Variants in FHL1 observed in about 807,000 individuals in gnomAD.
The protein encoded by FHL1 is four and a half LIM domains 1.
In FHL1, 1 loss-of-function variant was observed where a neutral mutation model predicts 20.3. That is an observed-to-expected ratio of 0.05 (90% CI 0.02 to 0.23). FHL1 has a LOEUF of 0.23. FHL1 is among the 10% of genes least tolerant of loss of function. The probability of loss-of-function intolerance (pLI) is 1.00; values close to 1 mark genes in which losing one functional copy is unlikely to be tolerated. For synonymous variants in FHL1, 82 were observed against 88.9 expected, an observed-to-expected ratio of 0.92 and a Z score of 0.44; for missense variants, 177 against 234.0, an observed-to-expected ratio of 0.76 and a Z score of 1.59.
upstream of FHL1, among the ~76,000 whole-genome samples, chrX:136,196,251 G>A: frequency 8.9e-6 from 1 of 111,990 alleles, no homozygotes. Context: ...AGGTCCTGGA[G>A]GGACTTGGGG....
chrX:136,190,249 C>T (rs2058688668), intron 2 of FHL1, among the ~76,000 whole-genome samples: 1 of 111,449 alleles, frequency 9.0e-6, no homozygotes, highest in Non-Finnish European at 1.9e-5. Flanking sequence ...TCCTGTCATT[C>T]TGTTTCATGT....
rs190333934 is a variant in FHL1 at position 136,210,759 on chromosome X, G to A, written c.*734G>A. 483 of 386,490 alleles carry A rather than the reference G, an allele frequency of 1.2e-3. 8 individuals carry two copies. The East Asian group carries it at 0.018, about 14-fold the overall frequency. 31.9% of individuals were successfully genotyped at this position (386,490 alleles called of 1,213,427 possible). ...TGTTTCAGAGGAACATCGTCACAAC[G>A]AATACTTCTGGAAGCTTAACAAAAC... On this transcript the variant is annotated 3_prime_UTR_variant, in exon 6 of 6. Coordinates refer to ENST00000370683, the MANE Select transcript of FHL1 (RefSeq NM_001159699.2).
At chrX:136,191,854 G>A (rs2073437339) in intron 2 of FHL1, among the ~76,000 whole-genome samples, 1 of 111,440 alleles carries the variant, frequency 9.0e-6, no homozygotes, top group African/African-American at 3.3e-5. Context: ...TATAGAATAG[G>A]GTCATGGAAT....
chrX:136,156,839 C>T (rs1449833539), intron 1 of FHL1, among the ~76,000 whole-genome samples: 6 of 111,359 alleles, frequency 5.4e-5, no homozygotes, highest in Non-Finnish European at 1.1e-4. Flanking sequence ...TTTCAGTGCA[C>T]TCTGCCAGGT....
upstream of FHL1, among the ~76,000 whole-genome samples, chrX:136,193,156 C>T (rs1365333899): frequency 1.8e-5 from 2 of 110,760 alleles, no homozygotes; most frequent in East Asian, 5.6e-4. Flanking sequence ...TTGTTATCAG[C>T]CTCTTGCCCC....
chrX:136,161,427 C>T (rs780221897), intron 1 of FHL1, among the ~76,000 whole-genome samples: 1 of 112,243 alleles, frequency 8.9e-6, no homozygotes, highest in East Asian at 2.8e-4. Flanking sequence ...GTTACTGCTG[C>T]AGTGGTTTGT....
chrX:136,159,880 T>C (rs2072519891), intron 1 of FHL1, among the ~76,000 whole-genome samples: 1 of 111,706 alleles, frequency 9.0e-6, no homozygotes, highest in Admixed American at 9.5e-5. Context: ...TTAGCAACAG[T>C]GACAGTTGGT....
chrX:136,208,785 C>A, intron 5 of FHL1, 144 bp downstream of exon 5: 1 of 607,436 alleles, frequency 1.6e-6, no homozygotes, highest in Non-Finnish European at 2.7e-6. Flanking sequence ...AAAGGCCCCC[C>A]AAGAGTTTGG....
chrX:136,196,659 G>T, upstream of FHL1: 1 of 454,287 alleles, frequency 2.2e-6, no homozygotes. Flanking sequence ...CTATCTCTTA[G>T]AGTTACTTTT....
intron 2 of FHL1, among the ~76,000 whole-genome samples, chrX:136,191,164 A>G (rs773382837): frequency 1.8e-5 from 2 of 111,846 alleles, no homozygotes; most frequent in Non-Finnish European, 3.8e-5. Context: ...GTCCTGGCAC[A>G]ACAGAAGAGC....
intron 1 of FHL1, among the ~76,000 whole-genome samples, chrX:136,158,407 T>C (rs2148275014): frequency 1.8e-5 from 2 of 112,054 alleles, no homozygotes; most frequent in South Asian, 7.4e-4. Context: ...TCTGTTGCTA[T>C]TACTTCGGCA....
chrX:136,167,891 T>G (rs937094436), upstream of FHL1: 2 of 112,154 alleles, frequency 1.8e-5, no homozygotes, highest in Admixed American at 1.9e-4. Context: ...ATGATAAGAC[T>G]AGTGTGTGAC....
chrX:136,192,709 G>A (rs778154504), upstream of FHL1, among the ~76,000 whole-genome samples: 1 of 111,615 alleles, frequency 9.0e-6, no homozygotes, highest in Non-Finnish European at 1.9e-5. Context: ...GGGGTTCCAG[G>A]GGTGCTCCTT....
chrX:136,167,963 G>A (rs1454678007), upstream of FHL1: 1 of 112,311 alleles, frequency 8.9e-6, no homozygotes, highest in Non-Finnish European at 1.9e-5. Context: ...GGTATCAGGC[G>A]TTTGTGGTGG....
At chrX:136,147,329 C>T (rs1421137398), upstream of FHL1, 3 of 7,931 alleles carry the variant, frequency 3.8e-4, no homozygotes, top group African/African-American at 1.4e-3. Flanking sequence ...CCCGTCCGGC[C>T]GTCTCCCGCG....
upstream of FHL1, chrX:136,147,028 G>A (rs182976495): frequency 0.011 from 3,027 of 284,226 alleles, 23 homozygotes; most frequent in Middle Eastern, 0.022. Flanking sequence ...CGAGGACCCC[G>A]GTGAGGCGAG....
upstream of FHL1, among the ~76,000 whole-genome samples, chrX:136,165,021 G>T (rs943796275): frequency 1.8e-5 from 2 of 111,750 alleles, no homozygotes; most frequent in Non-Finnish European, 3.8e-5. Flanking sequence ...GGAATATTAT[G>T]ATTGTATCAT....
At chrX:136,197,436 T>C (rs1041292363) in intron 1 of FHL1, among the ~76,000 whole-genome samples, 14 of 111,651 alleles carry the variant, frequency 1.3e-4, no homozygotes, top group African/African-American at 4.6e-4. Context: ...GGAGGAAAGG[T>C]TTTTCTGGTT....
chrX:136,161,291 T>C (rs1339682772), intron 1 of FHL1, among the ~76,000 whole-genome samples: 4 of 111,313 alleles, frequency 3.6e-5, no homozygotes, highest in Non-Finnish European at 7.5e-5. Context: ...GTCTTCTCTT[T>C]ATCCTTAATC....
Sources: gnomAD v4.1 joint callset for allele counts (sites outside exome capture counted in the v4.1 genomes callset) on GRCh38, gnomAD v4.1.1 for gene constraint, MANE v1.5 for transcripts, NCBI Gene and HGNC (gene_info 2026-07-23, HGNC 2026-07-21) for gene names.